Variants in LYNX1 observed in about 807,000 individuals in gnomAD.
LYNX1 encodes ly-6/neurotoxin-like protein 1.
In LYNX1, 8 loss-of-function variants were observed where a neutral mutation model predicts 8.3. The ratio of observed to expected loss-of-function variants is 0.97; its 90% CI spans 0.57 to 1.74. LYNX1 has a LOEUF of 1.74. Ranked by LOEUF, LYNX1 falls within the 40% of genes most tolerant of loss-of-function variation. The probability of loss-of-function intolerance (pLI) is 0.00; values close to 1 mark genes in which losing one functional copy is unlikely to be tolerated. For synonymous variants in LYNX1, 73 were observed against 67.9 expected, an observed-to-expected ratio of 1.08 and a Z score of -0.37; for missense variants, 158 against 159.7, an observed-to-expected ratio of 0.99 and a Z score of 0.06.
In LYNX1 at chr8:142,773,132, T is replaced by G; in HGVS notation, c.*2035A>C. ...CTTGCGCAAGCCGCGCAGTGACTGC[T>G]CCCAGCCTCTCCCAAGGACTTAGGA... On this transcript the variant is annotated 3_prime_UTR_variant, in exon 4 of 4. Coordinates refer to ENST00000652477, the MANE Select transcript of LYNX1 (RefSeq NM_177477.4). 1 of 985,488 alleles carries G rather than the reference T, an allele frequency of 1.0e-6. No individual in the cohort carries two copies. The highest frequency in any genetic ancestry group is 5.2e-4 in the Middle Eastern group (1 of 1,914). The allele number at this position is 985,488 out of a possible 1,614,324, so 61.0% of individuals were successfully genotyped here.
At chr8:142,775,804 G>C (rs1442257113) in intron 2 of LYNX1, 102 bp downstream of exon 2, 2 of 1,561,194 alleles carry the variant, frequency 1.3e-6, no homozygotes, top group Non-Finnish European at 1.8e-6. Flanking sequence ...CAGGGGGCTA[G>C]AAGGAGGGGT....
Position 142,775,063 on chromosome 8 carries a change from G to T in LYNX1, c.*104C>A. On this transcript the variant is annotated 3_prime_UTR_variant, in exon 4 of 4. Transcript: ENST00000652477. ...CAGTCCTGACCCTGGGCATGGCTGA[G>T]GAGGTCGCAGGGAGTGTGGAGGGTG... is the stretch of plus-strand genomic sequence containing the variant. 1 of 1,488,200 alleles carries T rather than the reference G, an allele frequency of 6.7e-7. No individual in the cohort carries two copies. Among genetic ancestry groups the T allele is most frequent in the South Asian group, 1.3e-5 (1 of 74,852 alleles). The allele number at this position is 1,488,200 out of a possible 1,614,324, so 92.2% of individuals were successfully genotyped here. A position where few individuals can be genotyped will look rare whatever the true frequency, so the allele number is the denominator to read the frequency against.
intron 1 of LYNX1, chr8:142,776,839 T>C: frequency 6.6e-6 from 1 of 152,264 alleles, no homozygotes; most frequent in East Asian, 1.9e-4. Flanking sequence ...AGGTGGGGGT[T>C]GGATTACGGC....
rs1366809066 is a variant in LYNX1 at position 142,771,339 on chromosome 8, G to A, written c.*3828C>T. The A allele has an allele frequency of 1.0e-6, 1 of 985,616 alleles. No individual in the cohort carries two copies. The highest frequency in any genetic ancestry group is 1.2e-6 in the Non-Finnish European group (1 of 830,054). The allele number at this position is 985,616 out of a possible 1,614,324, so 61.1% of individuals were successfully genotyped here. ...CCCAGAACATAAGACAGGAGGGAGA[G>A]ATGCCATCCATTCAGCGGGCACTTA... is the stretch of plus-strand genomic sequence containing the variant. On this transcript the variant is annotated 3_prime_UTR_variant, in exon 4 of 4. Coordinates refer to ENST00000652477, the MANE Select transcript of LYNX1 (RefSeq NM_177477.4).
In LYNX1 at chr8:142,776,031, C is replaced by A. The variant is rs559129231; in HGVS notation, c.-74G>T. On this transcript the variant is annotated 5_prime_UTR_variant, in exon 2 of 4. Coordinates refer to ENST00000652477, the MANE Select transcript of LYNX1 (RefSeq NM_177477.4). ...AGCCCTGGATCCAACTCAGGGGTGG[C>A]GCACAGAGGATCCAACTCAGGGTGG... is the stretch of plus-strand genomic sequence containing the variant. 5 of 1,556,940 alleles carry A rather than the reference C, an allele frequency of 3.2e-6. No individual in the cohort carries two copies. The African/African-American group carries it at 5.4e-5, about 17-fold the overall frequency.
Position 142,774,189 on chromosome 8 carries a change from C to A in LYNX1, c.*978G>T. ...CCCCACTCCCGCCCCCGCACGGCCA[C>A]GAGAGGGTGGCATGCTCCGCCTTCC... On this transcript the variant is annotated 3_prime_UTR_variant, in exon 4 of 4. Transcript: ENST00000652477. 1.0e-6 allele frequency: 1 copy of A among 984,078 alleles called. No homozygotes were observed. Among genetic ancestry groups the A allele is most frequent in the Non-Finnish European group, 1.2e-6 (1 of 829,452 alleles). The allele number at this position is 984,078 out of a possible 1,614,324, so 61.0% of individuals were successfully genotyped here.
intron 2 of LYNX1, 26 bp from the exon 3 acceptor site, chr8:142,775,720 G>C: frequency 6.4e-7 from 1 of 1,567,724 alleles, no homozygotes; most frequent in Non-Finnish European, 8.7e-7. Flanking sequence ...GGGCGGGAAG[G>C]GAACGGGGGT....
At position 142,772,211 on chromosome 8, in the gene LYNX1, G is replaced by C. The variant is rs1233262463; in HGVS notation, c.*2956C>G. On this transcript the variant is annotated 3_prime_UTR_variant, in exon 4 of 4. Coordinates refer to ENST00000652477, the MANE Select transcript of LYNX1 (RefSeq NM_177477.4). The stretch of plus-strand genomic sequence containing the variant: ...AGGACTCAGGTCCACACAGACAGTG[G>C]CAACAGCTAGCCCTGGGCATCTACC... The C allele has an allele frequency of 2.0e-6, 2 of 985,912 alleles. No individual in the cohort carries two copies. Among genetic ancestry groups the C allele is most frequent in the Non-Finnish European group, 1.2e-6 (1 of 830,034 alleles). 61.1% of individuals were successfully genotyped at this position (985,912 alleles called of 1,614,324 possible).
chr8:142,773,266 T>C lies in LYNX1; in HGVS notation c.*1901A>G. On this transcript the variant is annotated 3_prime_UTR_variant, in exon 4 of 4. Coordinates refer to ENST00000652477, the MANE Select transcript of LYNX1 (RefSeq NM_177477.4). The stretch of plus-strand genomic sequence containing the variant: ...GGCTGGCACTTGCAGGTGGGGGCCC[T>C]TGGGAGCTCTGGGAGGCACCTGGCA... The C allele has an allele frequency of 1.0e-6, 1 of 985,336 alleles. No homozygotes were observed. Among genetic ancestry groups the C allele is most frequent in the Non-Finnish European group, 1.2e-6 (1 of 829,908 alleles). The allele number at this position is 985,336 out of a possible 1,614,324, so 61.0% of individuals were successfully genotyped here. A position where few individuals can be genotyped will look rare whatever the true frequency, so the allele number is the denominator to read the frequency against.
rs1007304452 is a variant in LYNX1 at position 142,771,453 on chromosome 8, G to A, written c.*3714C>T. On this transcript the variant is annotated 3_prime_UTR_variant, in exon 4 of 4. Transcript: ENST00000652477. ...AAATGAAGCTCAGGGCTGGGCGGAAGCTGGCAGGGCTGTCCACAGGGAGGA... is the reference window on the plus strand; with the variant it reads ...AAATGAAGCTCAGGGCTGGGCGGAAACTGGCAGGGCTGTCCACAGGGAGGA... The A allele has an allele frequency of 3.0e-6, 3 of 985,358 alleles. No individual in the cohort carries two copies. The highest frequency in any genetic ancestry group is 5.2e-4 in the Middle Eastern group (1 of 1,938). 61.0% of individuals were successfully genotyped at this position (985,358 alleles called of 1,614,324 possible). A position where few individuals can be genotyped will look rare whatever the true frequency, so the allele number is the denominator to read the frequency against.
At position 142,773,487 on chromosome 8, in the gene LYNX1, G is replaced by A. The variant is rs2130102516; in HGVS notation, c.*1680C>T. The A allele has an allele frequency of 1.0e-6, 1 of 985,484 alleles. No homozygotes were observed. The highest frequency in any genetic ancestry group is 1.2e-6 in the Non-Finnish European group (1 of 829,994). 61.0% of individuals were successfully genotyped at this position (985,484 alleles called of 1,614,324 possible). The stretch of plus-strand genomic sequence containing the variant: ...CGCTCCGGGCCCGTTCCCACCCAAG[G>A]TCCCTTTGCAGAAGACTGGCACTGT... On this transcript the variant is annotated 3_prime_UTR_variant, in exon 4 of 4. Transcript: ENST00000652477.
Position 142,775,281 on chromosome 8 carries a change from G to T in LYNX1, c.237C>A (p.His79Gln), listed in dbSNP as rs138605554. ...FETVYDGYSK[H>Q]ASTTSCCQYD... ...ACTGGCAGCAGGAGGTGGTGGACGCGTGCTTGGAGTAGCCATCATACACAG... is the reference window on the plus strand; with the variant it reads ...ACTGGCAGCAGGAGGTGGTGGACGCTTGCTTGGAGTAGCCATCATACACAG... The change falls in exon 4 of 4, where the codon CAC becomes CAA. Residue 79 changes from histidine (H) to glutamine (Q), a missense_variant. Physicochemically the swap from His to Gln is conservative, Grantham distance 24 (BLOSUM62 0). Coordinates refer to ENST00000652477, the MANE Select transcript of LYNX1 (RefSeq NM_177477.4). The T allele has an allele frequency of 6.2e-7, 1 of 1,613,904 alleles. No individual in the cohort carries two copies. Among genetic ancestry groups the T allele is most frequent in the Non-Finnish European group, 8.5e-7 (1 of 1,180,002 alleles).
In LYNX1 at chr8:142,775,423, C is replaced by T. The variant is rs1359960143; in HGVS notation, c.155-60G>A. 5.6e-6 allele frequency: 9 copies of T among 1,593,516 alleles called. No individual in the cohort carries two copies. In the South Asian group the frequency reaches 9.0e-5, roughly 16 times the overall value. On this transcript the variant is annotated intron_variant, in intron 3 of 3. Transcript: ENST00000652477. ...AAGAGGGGCAGGAGACCCAGCTGGC[C>T]CCACCCCAGCATCCACAGCCATCAG...
chr8:142,774,707 GAC>G lies in LYNX1; in HGVS notation c.*458_*459del. ...AGCTCCTGGCCTCAGTAGGAAGCGT[GAC>G]TAGGCCTGGAGGAGCCTTTCCTCCT... is the stretch of plus-strand genomic sequence containing the variant. On this transcript the variant is annotated 3_prime_UTR_variant, in exon 4 of 4. Coordinates refer to ENST00000652477, the MANE Select transcript of LYNX1 (RefSeq NM_177477.4). 2 of 1,002,976 alleles carry G rather than the reference GAC, an allele frequency of 2.0e-6. No homozygotes were observed. The highest frequency in any genetic ancestry group is 5.4e-5 in the Admixed American group (1 of 18,390). The allele number at this position is 1,002,976 out of a possible 1,614,324, so 62.1% of individuals were successfully genotyped here.
At chr8:142,775,726 G>C (rs1815393464) in intron 2 of LYNX1, 32 bp from the exon 3 acceptor site, 1 of 1,562,760 alleles carries the variant, frequency 6.4e-7, no homozygotes, top group Non-Finnish European at 8.7e-7. Flanking sequence ...GAAGGGAACG[G>C]GGGTCACAGA....
At position 142,772,458 on chromosome 8, in the gene LYNX1, TGGGGGTCCAAGGAACCCCAGCTG is replaced by T; in HGVS notation, c.*2686_*2708del. The T allele has an allele frequency of 1.0e-6, 1 of 985,504 alleles. No homozygotes were observed. Among genetic ancestry groups the T allele is most frequent in the Non-Finnish European group, 1.2e-6 (1 of 829,970 alleles). The allele number at this position is 985,504 out of a possible 1,614,324, so 61.0% of individuals were successfully genotyped here. On this transcript the variant is annotated 3_prime_UTR_variant, in exon 4 of 4. Transcript: ENST00000652477. Reference sequence around the variant, plus strand: ...AAACTCACCTCCCCCTTCCCAGGCTTGGGGGTCCAAGGAACCCCAGCTGGTGGGAGAAGCGGCTGCACTGTGGT... The same window carrying T: ...AAACTCACCTCCCCCTTCCCAGGCTTGTGGGAGAAGCGGCTGCACTGTGGT...
At position 142,772,706 on chromosome 8, in the gene LYNX1, G is replaced by A. The variant is rs1241591188; in HGVS notation, c.*2461C>T. ...TGCATACAACCCGGACAAGTTTACTGCTGTGATTTCTGCCGGCGCTGCTGT... is the reference window on the plus strand; with the variant it reads ...TGCATACAACCCGGACAAGTTTACTACTGTGATTTCTGCCGGCGCTGCTGT... On this transcript the variant is annotated 3_prime_UTR_variant, in exon 4 of 4. Coordinates refer to ENST00000652477, the MANE Select transcript of LYNX1 (RefSeq NM_177477.4). 3 of 985,532 alleles carry A rather than the reference G, an allele frequency of 3.0e-6. No individual in the cohort carries two copies. Among genetic ancestry groups the A allele is most frequent in the African/African-American group, 1.7e-5 (1 of 57,244 alleles). The allele number at this position is 985,532 out of a possible 1,614,324, so 61.0% of individuals were successfully genotyped here. A position where few individuals can be genotyped will look rare whatever the true frequency, so the allele number is the denominator to read the frequency against.
Position 142,775,224 on chromosome 8 carries a change from G to A in LYNX1, c.294C>T (p.Thr98=), listed in dbSNP as rs368422032. ...YDLCNGTGLA[T]PATLALAPIL... The stretch of plus-strand genomic sequence containing the variant: ...TGGGGGCCAGGGCCAGGGTGGCCGG[G>A]GTGGCAAGGCCGGTGCCGTTGCAGA... Residue 98 remains threonine (T), a synonymous_variant, in exon 4 of 4, where the codon ACC becomes ACT. Coordinates refer to ENST00000652477, the MANE Select transcript of LYNX1 (RefSeq NM_177477.4). 3.8e-5 allele frequency: 62 copies of A among 1,613,374 alleles called. No homozygotes were observed. The highest frequency in any genetic ancestry group is 2.5e-4 in the East Asian group (11 of 44,880).
chr8:142,773,064 C>T lies in LYNX1; in HGVS notation c.*2103G>A. 2.0e-6 allele frequency: 2 copies of T among 985,550 alleles called. No homozygotes were observed. Among genetic ancestry groups the T allele is most frequent in the Non-Finnish European group, 2.4e-6 (2 of 829,996 alleles). The allele number at this position is 985,550 out of a possible 1,614,324, so 61.1% of individuals were successfully genotyped here. ...ACAGGGAGGACCTGATCCTGGAGTC[C>T]CTCCCAGCCCTGGCTGAGGAAGCCA... On this transcript the variant is annotated 3_prime_UTR_variant, in exon 4 of 4. Transcript: ENST00000652477.
Sources: gnomAD v4.1 joint callset for allele counts on GRCh38, gnomAD v4.1.1 for gene constraint, MANE v1.5 for transcripts, NCBI Gene and HGNC (gene_info 2026-07-23, HGNC 2026-07-21) for gene names.